GALNT13: variants seen among roughly 807,000 people sequenced by gnomAD.
GALNT13 encodes the protein polypeptide N-acetylgalactosaminyltransferase 13.
GALNT13 carries 28 observed loss-of-function variants against 64.2 expected under a neutral mutation model. The observed-to-expected ratio is 0.44, with a 90% CI of 0.32 to 0.60. The LOEUF is 0.60. Among genes scored for constraint, GALNT13 ranks in the 20% least tolerant of loss-of-function variants. The pLI is 0.05. For missense variants in GALNT13, 577 were observed against 669.8 expected, an observed-to-expected ratio of 0.86 and a Z score of 1.53; for synonymous variants, 214 against 224.6, an observed-to-expected ratio of 0.95 and a Z score of 0.42.
the GALNT13 span, among the ~76,000 whole-genome samples, chr2:153,105,199 G>A: frequency 6.6e-6 from 1 of 151,506 alleles, no homozygotes; most frequent in Non-Finnish European, 1.5e-5. Flanking sequence ...TCATCCCTGG[G>A]ATGCAAGGCT....
the GALNT13 span, among the ~76,000 whole-genome samples, chr2:153,118,722 G>A: frequency 6.6e-6 from 1 of 152,078 alleles, no homozygotes; most frequent in South Asian, 2.1e-4. Flanking sequence ...TATTCTAGGA[G>A]CCATGCATTA....
At chr2:153,672,658 C>T in the GALNT13 span, among the ~76,000 whole-genome samples, 1 of 151,734 alleles carries the variant, frequency 6.6e-6, no homozygotes, top group Non-Finnish European at 1.5e-5. Flanking sequence ...GAAGCAAGAG[C>T]AAACAAATTC....
At chr2:153,989,605 G>T (rs192899214) in intron 3 of GALNT13, among the ~76,000 whole-genome samples, 1 of 151,886 alleles carries the variant, frequency 6.6e-6, no homozygotes, top group Non-Finnish European at 1.5e-5. Flanking sequence ...GGTGGATTAC[G>T]TAAGGAAAGG....
the GALNT13 span, among the ~76,000 whole-genome samples, chr2:153,252,873 C>T: frequency 6.6e-6 from 1 of 152,112 alleles, no homozygotes; most frequent in Non-Finnish European, 1.5e-5. Flanking sequence ...GTTACTGTAG[C>T]CTTGTAGTAT....
intron 11 of GALNT13, among the ~76,000 whole-genome samples, chr2:154,411,353 C>T (rs1699785630): frequency 9.4e-6 from 1 of 106,442 alleles, no homozygotes; most frequent in Non-Finnish European, 2.1e-5. Context: ...CACACACACA[C>T]ACACACAAAT....
At chr2:153,177,502 G>A in the GALNT13 span, among the ~76,000 whole-genome samples, 1 of 152,036 alleles carries the variant, frequency 6.6e-6, no homozygotes, top group African/African-American at 2.4e-5. Flanking sequence ...CTTAGTTAAT[G>A]AGAAATATTA....
the GALNT13 span, among the ~76,000 whole-genome samples, chr2:153,189,949 CG>C: frequency 6.6e-6 from 1 of 151,772 alleles, no homozygotes; most frequent in Non-Finnish European, 1.5e-5. Flanking sequence ...TTTAATGGAA[CG>C]TTTTTATGCT....
At chr2:153,466,460 T>A in the GALNT13 span, among the ~76,000 whole-genome samples, 2 of 151,612 alleles carry the variant, frequency 1.3e-5, no homozygotes, top group African/African-American at 2.4e-5. Context: ...GTTTTTTTTT[T>A]AATATATCTG....
the GALNT13 span, among the ~76,000 whole-genome samples, chr2:153,672,647 A>G: frequency 3.9e-5 from 6 of 152,190 alleles, no homozygotes; most frequent in Non-Finnish European, 7.3e-5. Flanking sequence ...AAAGAACTAG[A>G]GAAGCAAGAG....
chr2:154,298,684 T>TGTATATATAAA (rs1559075925), intron 8 of GALNT13, among the ~76,000 whole-genome samples: 1 of 56,836 alleles, frequency 1.8e-5, no homozygotes, highest in Non-Finnish European at 3.3e-5. Flanking sequence ...GTATATACAA[T>TGTATATATAAA]TTATATATAC....
At chr2:154,351,027 A>G (rs1329258708) in intron 9 of GALNT13, among the ~76,000 whole-genome samples, 1 of 152,150 alleles carries the variant, frequency 6.6e-6, no homozygotes, top group Non-Finnish European at 1.5e-5. Flanking sequence ...GTGGCAGGGT[A>G]GTTGGGGACA....
At chr2:153,735,199 C>T in the GALNT13 span, among the ~76,000 whole-genome samples, 1 of 151,834 alleles carries the variant, frequency 6.6e-6, no homozygotes, top group Non-Finnish European at 1.5e-5. Flanking sequence ...TTTCTGAGAG[C>T]CGGTCTTGTT....
chr2:153,401,231 C>T, the GALNT13 span, among the ~76,000 whole-genome samples: 240 of 150,850 alleles, frequency 1.6e-3, no homozygotes, highest in African/African-American at 5.4e-3. Flanking sequence ...TGTAGTTGAG[C>T]GCTTTTGAAT....
chr2:153,294,895 G>A, the GALNT13 span, among the ~76,000 whole-genome samples: 7 of 151,982 alleles, frequency 4.6e-5, no homozygotes, highest in Non-Finnish European at 8.8e-5. Context: ...TATCTTACAG[G>A]CCTCTAAACC....
chr2:153,111,338 A>AG, the GALNT13 span, among the ~76,000 whole-genome samples: 1 of 152,134 alleles, frequency 6.6e-6, no homozygotes, highest in Non-Finnish European at 1.5e-5. Context: ...TTTAAAAAAA[A>AG]ACACCTGCCA....
the GALNT13 span, among the ~76,000 whole-genome samples, chr2:153,428,113 C>T: frequency 1.3e-5 from 2 of 152,128 alleles, no homozygotes; most frequent in Non-Finnish European, 2.9e-5. Flanking sequence ...CCAACTGAAA[C>T]CAGGTAGCAT....
chr2:154,208,695 A>G (rs1225067057), intron 4 of GALNT13, among the ~76,000 whole-genome samples: 1 of 151,128 alleles, frequency 6.6e-6, no homozygotes, highest in Non-Finnish European at 1.5e-5. Context: ...TATGCCTAGA[A>G]CAGTGCTGGT....
rs959745286 is a variant in GALNT13, at chr2:154,136,939, T to C, written c.143-3398T>C. Among the ~76,000 whole-genome samples, 10 of 152,118 alleles carry C rather than the reference T, an allele frequency of 6.6e-5. No homozygotes were observed. The East Asian group carries it at 1.9e-3, about 30-fold the overall frequency. ...TATTAGAGTAGATAAATAGCACACA[T>C]ATTTAGATGACAAGTGGTTTTTTTT... On this transcript the variant is annotated intron_variant, in intron 3 of 12. Coordinates refer to ENST00000392825, the MANE Select transcript of GALNT13 (RefSeq NM_052917.4).
intron 9 of GALNT13, among the ~76,000 whole-genome samples, chr2:154,345,450 G>A (rs1050559895): frequency 6.6e-6 from 1 of 151,996 alleles, no homozygotes. Flanking sequence ...CTATAAATTT[G>A]CACTGTTCAC....
Sources: gnomAD v4.1 joint callset for allele counts (sites outside exome capture counted in the v4.1 genomes callset) on GRCh38, gnomAD v4.1.1 for gene constraint, MANE v1.5 for transcripts, NCBI Gene and HGNC (gene_info 2026-07-23, HGNC 2026-07-21) for gene names.